Variants in ZNF124 observed in about 807,000 individuals in gnomAD.
The protein encoded by ZNF124 is zinc finger protein HZF-16.
A neutral mutation model predicts 26.6 loss-of-function variants in ZNF124; 25 were observed. That is an observed-to-expected ratio of 0.94 (90% confidence interval 0.68 to 1.31). The LOEUF (loss-of-function observed/expected upper bound fraction) is 1.31, where lower values mean the gene tolerates loss of function less well. Ranked by LOEUF, ZNF124 falls within the 40% of genes most tolerant of loss-of-function variation. The pLI, the probability that ZNF124 is intolerant of heterozygous loss-of-function variation, is 0.00. For synonymous variants in ZNF124, 129 were observed against 133.3 expected, an observed-to-expected ratio of 0.97 and a Z score of 0.22; for missense variants, 444 against 422.2, an observed-to-expected ratio of 1.05 and a Z score of -0.45.
At chr1:247,138,388 G>A (rs535384301) in intron 3 of ZNF124, 9 of 173,804 alleles carry the variant, frequency 5.2e-5, no homozygotes, top group African/African-American at 2.0e-4. Context: ...AACACTGCAC[G>A]TTCTCACTCA....
intron 1 of ZNF124, among the ~76,000 whole-genome samples, chr1:247,162,787 A>G (rs1365857484): frequency 6.6e-6 from 1 of 152,204 alleles, no homozygotes; most frequent in Admixed American, 6.5e-5. Context: ...ACTCAGATTC[A>G]TACGGCAAAT....
At chr1:247,157,622 A>C in intron 3 of ZNF124, 1 of 591,680 alleles carries the variant, frequency 1.7e-6, no homozygotes, top group Admixed American at 3.0e-5. Context: ...TTTATTACTA[A>C]GTCTGAACTT....
intron 3 of ZNF124, among the ~76,000 whole-genome samples, chr1:247,148,955 G>A (rs1035726879): frequency 4.6e-5 from 7 of 151,720 alleles, no homozygotes; most frequent in Non-Finnish European, 8.8e-5. Flanking sequence ...GGGTGACAGA[G>A]TGAGACTCCG....
intron 3 of ZNF124, among the ~76,000 whole-genome samples, chr1:247,142,103 G>A (rs1310926511): frequency 6.6e-6 from 1 of 152,146 alleles, no homozygotes; most frequent in Non-Finnish European, 1.5e-5. Context: ...AGAAAGATAG[G>A]ACCAGCCCTT....
At chr1:247,146,541 A>G (rs1672783445) in intron 3 of ZNF124, among the ~76,000 whole-genome samples, 1 of 152,218 alleles carries the variant, frequency 6.6e-6, no homozygotes, top group African/African-American at 2.4e-5. Context: ...GCTATGAGTC[A>G]GACACCCCAA....
chr1:247,127,700 C>T (rs182906537), intron 3 of ZNF124, among the ~76,000 whole-genome samples: 3,408 of 148,406 alleles, frequency 0.023, no homozygotes, highest in African/African-American at 0.08. Flanking sequence ...ATGCAGCCCC[C>T]AGTCACGTAC....
intron 3 of ZNF124, among the ~76,000 whole-genome samples, chr1:247,144,311 T>C (rs1357693363): frequency 6.6e-6 from 1 of 152,154 alleles, no homozygotes; most frequent in Non-Finnish European, 1.5e-5. Flanking sequence ...AGACATTTTA[T>C]CTAGAAAAGC....
At chr1:247,135,061 G>A (rs963690972) in intron 3 of ZNF124, among the ~76,000 whole-genome samples, 2 of 152,156 alleles carry the variant, frequency 1.3e-5, no homozygotes, top group Admixed American at 6.5e-5. Context: ...AGAACAAAGA[G>A]ACAATGTACC....
At chr1:247,124,125 G>A (rs906982006) in intron 3 of ZNF124, among the ~76,000 whole-genome samples, 4 of 150,260 alleles carry the variant, frequency 2.7e-5, no homozygotes, top group East Asian at 2.0e-4. Flanking sequence ...ACTGCGCCCG[G>A]CCTACGTGAG....
In ZNF124 at chr1:247,156,633, G is replaced by A. The variant is rs774221477; in HGVS notation, c.989C>T (p.Ala330Val). 7.5e-6 allele frequency: 12 copies of A among 1,602,258 alleles called. No individual in the cohort carries two copies. In the East Asian group the frequency reaches 2.2e-4, roughly 30 times the overall value. Residue 330 changes from alanine (A) to valine (V), a missense_variant, in exon 4 of 4, where the codon GCT (alanine) becomes GTT (valine). Physicochemically the swap from Ala to Val is moderately conservative, Grantham distance 64. Coordinates refer to ENST00000543802, the MANE Select transcript of ZNF124 (RefSeq NM_001297568.2). ...TTTTTTATGCTTCCAAAGGGTACTA[G>A]CACGACTAAAGGCTTTGCCACATTT... ...CQKCGKAFSRASTLWKHKKTH... is the reference protein window; with the variant it reads ...CQKCGKAFSRVSTLWKHKKTH...
intron 3 of ZNF124, among the ~76,000 whole-genome samples, chr1:247,140,633 C>CTACACTGT (rs1364276387): frequency 6.7e-6 from 1 of 150,308 alleles, no homozygotes; most frequent in Non-Finnish European, 1.5e-5. Flanking sequence ...TGAGTACAGT[C>CTACACTGT]AGTACACTTT....
intron 3 of ZNF124, among the ~76,000 whole-genome samples, chr1:247,133,425 C>G (rs1672414254): frequency 6.6e-6 from 1 of 152,048 alleles, no homozygotes; most frequent in African/African-American, 2.4e-5. Flanking sequence ...CATGCAAATT[C>G]AGGAAATACA....
chr1:247,140,056 G>T (rs1672585883), intron 3 of ZNF124, among the ~76,000 whole-genome samples: 1 of 152,196 alleles, frequency 6.6e-6, no homozygotes, highest in Non-Finnish European at 1.5e-5. Context: ...GGTTGGGGAA[G>T]TTTTCGTGGA....
intron 3 of ZNF124, among the ~76,000 whole-genome samples, chr1:247,149,510 TCAGC>T (rs1672871012): frequency 6.6e-6 from 1 of 152,192 alleles, no homozygotes; most frequent in Admixed American, 6.5e-5. Flanking sequence ...GAAATATTAT[TCAGC>T]CATAAAAAAG....
chr1:247,142,094 G>A (rs936336717), intron 3 of ZNF124, among the ~76,000 whole-genome samples: 2 of 152,206 alleles, frequency 1.3e-5, no homozygotes, highest in African/African-American at 4.8e-5. Context: ...CCTTCTGGGA[G>A]AAAGATAGGA....
chr1:247,147,455 G>A (rs1672814871), intron 3 of ZNF124, among the ~76,000 whole-genome samples: 1 of 151,508 alleles, frequency 6.6e-6, no homozygotes, highest in Non-Finnish European at 1.5e-5. Flanking sequence ...TCGAACTCCT[G>A]ACCTCGTGAT....
chr1:247,147,067 C>T (rs890238105), intron 3 of ZNF124, among the ~76,000 whole-genome samples: 5 of 151,818 alleles, frequency 3.3e-5, no homozygotes, highest in African/African-American at 1.2e-4. Context: ...TGTCAGCAAG[C>T]TCATTCTGTG....
chr1:247,135,724 A>T (rs912647260), intron 3 of ZNF124, among the ~76,000 whole-genome samples: 3 of 152,172 alleles, frequency 2.0e-5, no homozygotes, highest in Non-Finnish European at 2.9e-5. Flanking sequence ...GAGACACAAC[A>T]AAAAAAGAAG....
At chr1:247,160,579 A>G (rs1299564947) in intron 1 of ZNF124, among the ~76,000 whole-genome samples, 2 of 152,354 alleles carry the variant, frequency 1.3e-5, no homozygotes, top group East Asian at 3.9e-4. Flanking sequence ...AAAGTAGCTC[A>G]CTGTTGCTAA....
Sources: gnomAD v4.1 joint callset for allele counts (sites outside exome capture counted in the v4.1 genomes callset) on GRCh38, gnomAD v4.1.1 for gene constraint, MANE v1.5 for transcripts, NCBI Gene and HGNC (gene_info 2026-07-23, HGNC 2026-07-21) for gene names.